The following TF variants were observed in gnomAD, a reference collection of about 807,000 sequenced individuals.
TF encodes transferrin, also known as serotransferrin.
Under a neutral mutation model 82.4 loss-of-function variants are expected in TF, and 55 were observed. The ratio of observed to expected loss-of-function variants is 0.67; its 90% CI spans 0.54 to 0.84. TF has a LOEUF of 0.84. Among genes scored for constraint, TF ranks in the 40% least tolerant of loss-of-function variants. The probability of loss-of-function intolerance (pLI) is 0.00; values close to 1 mark genes in which losing one functional copy is unlikely to be tolerated. For missense variants in TF, 737 were observed against 868.4 expected (o/e 0.85, Z 1.90); for synonymous variants, 332 against 332.6 (o/e 1.00, Z 0.02).
chr3:133,670,426 G>T, the TF span, among the ~76,000 whole-genome samples: 1 of 152,190 alleles, frequency 6.6e-6, no homozygotes, highest in Non-Finnish European at 1.5e-5. Context: ...CTGTACCAAA[G>T]CACAGAAATG....
At chr3:133,685,782 A>G in the TF span, among the ~76,000 whole-genome samples, 1 of 152,178 alleles carries the variant, frequency 6.6e-6, no homozygotes, top group Non-Finnish European at 1.5e-5. Context: ...GCCCAAGGTA[A>G]TTTATAGATT....
chr3:133,735,556 G>A, the TF span, among the ~76,000 whole-genome samples: 1 of 151,870 alleles, frequency 6.6e-6, no homozygotes, highest in Admixed American at 6.6e-5. Context: ...TAAAAACCTT[G>A]AAAAAAGGTT....
chr3:133,697,657 TG>T, the TF span, among the ~76,000 whole-genome samples: 1 of 152,368 alleles, frequency 6.6e-6, no homozygotes, highest in Admixed American at 6.5e-5. Flanking sequence ...CCTGGGCCTT[TG>T]AGTGGCCAAG....
chr3:133,663,348 T>C, the TF span, among the ~76,000 whole-genome samples: 1 of 100,728 alleles, frequency 9.9e-6, no homozygotes, highest in Admixed American at 1.3e-4. Flanking sequence ...ATAAATATCA[T>C]TAATTTTTTT....
At chr3:133,707,190 TCACACACA>T in the TF span, among the ~76,000 whole-genome samples, 9 of 144,720 alleles carry the variant, frequency 6.2e-5, no homozygotes, top group Middle Eastern at 7.0e-3. Flanking sequence ...AACCTCAGAG[TCACACACA>T]CACACACACA....
At chr3:133,705,753 G>A in the TF span, among the ~76,000 whole-genome samples, 1 of 152,162 alleles carries the variant, frequency 6.6e-6, no homozygotes, top group Non-Finnish European at 1.5e-5. Context: ...TTAGGTCTAA[G>A]TGTGTGAATT....
the TF span, among the ~76,000 whole-genome samples, chr3:133,729,384 C>CGCT: frequency 6.6e-6 from 1 of 152,228 alleles, no homozygotes; most frequent in African/African-American, 2.4e-5. Context: ...CCCCCAGCCT[C>CGCT]GCTGCTGCCT....
At chr3:133,740,419 G>A in the TF span, among the ~76,000 whole-genome samples, 4 of 151,978 alleles carry the variant, frequency 2.6e-5, no homozygotes, top group Non-Finnish European at 4.4e-5. Context: ...TGCCTCCTGG[G>A]TTTAAGTGAT....
chr3:133,790,382 A>G lies in TF; in HGVS notation c.*11762A>G, dbSNP rs1015255555. ...TAACACATAATTCTGTATACAAAAC[A>G]TGCCAGAAAGTTTGTGTTATTAGTG... On this transcript the variant is annotated 3_prime_UTR_variant, in exon 17 of 17. Coordinates refer to ENST00000402696, the MANE Select transcript of TF (RefSeq NM_001063.4). 6.6e-6 allele frequency: 1 copy of G among 152,238 alleles called. No homozygotes were observed. The highest frequency in any genetic ancestry group is 2.4e-5 in the African/African-American group (1 of 41,466). 9.4% of individuals were successfully genotyped at this position (152,238 alleles called of 1,614,324 possible).
At chr3:133,748,625 A>G (rs559753213) in intron 2 of TF, 41 bp downstream of exon 2, 1 of 1,608,732 alleles carries the variant, frequency 6.2e-7, no homozygotes, top group Non-Finnish European at 8.5e-7. Flanking sequence ...AGAAAGCCAT[A>G]CTTTCTCTGT....
At chr3:133,722,410 A>G in the TF span, among the ~76,000 whole-genome samples, 2 of 152,100 alleles carry the variant, frequency 1.3e-5, no homozygotes, top group Non-Finnish European at 2.9e-5. Flanking sequence ...TTACATTCAA[A>G]GGCTGTTACT....
chr3:133,677,915 G>A, the TF span, among the ~76,000 whole-genome samples: 1 of 152,016 alleles, frequency 6.6e-6, no homozygotes, highest in African/African-American at 2.4e-5. Flanking sequence ...GAACATGCAG[G>A]TTTGTTACAT....
chr3:133,746,603 G>A (rs960889596), intron 1 of TF, 120 bp downstream of exon 1: 5 of 1,222,412 alleles, frequency 4.1e-6, no homozygotes, highest in Non-Finnish European at 2.3e-6. Flanking sequence ...GGGTGTCTGG[G>A]TGCCTTTCCA....
At chr3:133,729,344 A>C in the TF span, among the ~76,000 whole-genome samples, 1 of 152,172 alleles carries the variant, frequency 6.6e-6, no homozygotes. Context: ...TTGTTTACCT[A>C]AGCAAGCCTG....
At chr3:133,736,943 T>C in the TF span, among the ~76,000 whole-genome samples, 2 of 152,260 alleles carry the variant, frequency 1.3e-5, no homozygotes, top group Admixed American at 1.3e-4. Context: ...ATTCAGGACT[T>C]GAACTCAGCT....
chr3:133,753,431 C>T (rs567248732), intron 2 of TF, among the ~76,000 whole-genome samples, 164 bp from the exon 3 acceptor site: 6 of 150,310 alleles, frequency 4.0e-5, no homozygotes, highest in Admixed American at 2.7e-4. Flanking sequence ...AGTGCCCTTG[C>T]GAGGGAGACA....
chr3:133,792,132 T>C lies in TF; in HGVS notation c.*13512T>C, dbSNP rs1934854486. 1 of 152,200 alleles carries C rather than the reference T, an allele frequency of 6.6e-6. No homozygotes were observed. The highest frequency in any genetic ancestry group is 2.1e-4 in the South Asian group (1 of 4,828). The allele number at this position is 152,200 out of a possible 1,614,324, so 9.4% of individuals were successfully genotyped here. On this transcript the variant is annotated 3_prime_UTR_variant, in exon 17 of 17. Coordinates refer to ENST00000402696, the MANE Select transcript of TF (RefSeq NM_001063.4). ...AATTGCTCAATTTATTTTGGAGCAT[T>C]AGATTCTAGATAAGGCCTGGGGACA...
Position 133,780,425 on chromosome 3 carries a change from T to A in TF, c.*1805T>A, listed in dbSNP as rs555838201. On this transcript the variant is annotated 3_prime_UTR_variant, in exon 17 of 17. Transcript: ENST00000402696. ...AAACAAAAATATTCAACATCCATTC[T>A]TAATTATTAAATTAGTTACTAAAAT... 2 of 152,336 alleles carry A rather than the reference T, an allele frequency of 1.3e-5. No individual in the cohort carries two copies. The highest frequency in any genetic ancestry group is 4.8e-5 in the African/African-American group (2 of 41,574). 9.4% of individuals were successfully genotyped at this position (152,336 alleles called of 1,614,324 possible).
At chr3:133,706,342 T>C in the TF span, among the ~76,000 whole-genome samples, 1 of 151,692 alleles carries the variant, frequency 6.6e-6, no homozygotes, top group African/African-American at 2.4e-5. Context: ...GGCAGGGGAG[T>C]TGATCAGTCT....
Sources: gnomAD v4.1 joint callset for allele counts (sites outside exome capture counted in the v4.1 genomes callset) on GRCh38, gnomAD v4.1.1 for gene constraint, MANE v1.5 for transcripts, NCBI Gene and HGNC (gene_info 2026-07-23, HGNC 2026-07-21) for gene names.